GRID2: variants seen among roughly 807,000 people sequenced by gnomAD.
GRID2 encodes glutamate ionotropic receptor delta type subunit 2.
GRID2 carries 33 observed loss-of-function variants against 114.8 expected under a neutral mutation model. That is an observed-to-expected ratio of 0.29 (90% CI 0.22 to 0.38). The LOEUF is 0.38. Among genes scored for constraint, GRID2 ranks in the 10% least tolerant of loss-of-function variants. The pLI is 1.00. For missense variants in GRID2, 1,184 were observed against 1,257.7 expected, an observed-to-expected ratio of 0.94 and a Z score of 0.89; for synonymous variants, 505 against 449.9, an observed-to-expected ratio of 1.12 and a Z score of -1.55.
chr4:93,711,048 A>C (rs1728436060), intron 14 of GRID2, among the ~76,000 whole-genome samples: 1 of 152,046 alleles, frequency 6.6e-6, no homozygotes, highest in Admixed American at 6.6e-5. Flanking sequence ...GGAATCAGGG[A>C]TTTAGTGCTT....
At chr4:92,996,893 G>C (rs1755234340) in intron 2 of GRID2, among the ~76,000 whole-genome samples, 1 of 152,078 alleles carries the variant, frequency 6.6e-6, no homozygotes, top group Non-Finnish European at 1.5e-5. Context: ...ACTCTTACCA[G>C]ATAGACAGTT....
chr4:93,289,194 T>C (rs1753485589), intron 8 of GRID2, among the ~76,000 whole-genome samples: 1 of 152,190 alleles, frequency 6.6e-6, no homozygotes, highest in Non-Finnish European at 1.5e-5. Flanking sequence ...GGTAGGTGAT[T>C]AACTAGTAGT....
intron 2 of GRID2, among the ~76,000 whole-genome samples, chr4:92,897,614 C>G (rs1017364290): frequency 6.6e-6 from 1 of 152,052 alleles, no homozygotes; most frequent in Non-Finnish European, 1.5e-5. Flanking sequence ...TCTTTCACTG[C>G]CAAATTTGAA....
intron 4 of GRID2, among the ~76,000 whole-genome samples, chr4:93,125,358 A>G (rs1160034): frequency 0.46 from 70,042 of 151,694 alleles, 16,867 homozygotes; most frequent in Admixed American, 0.6. Flanking sequence ...GAAAAAGCAA[A>G]TTCATTAACT....
At chr4:92,929,068 C>T (rs1750036570) in intron 2 of GRID2, among the ~76,000 whole-genome samples, 1 of 151,324 alleles carries the variant, frequency 6.6e-6, no homozygotes, top group African/African-American at 2.4e-5. Flanking sequence ...ATCAGTATAT[C>T]TTCTTTTTAT....
Position 92,459,797 on chromosome 4 carries a change from G to A in GRID2, c.89-130334G>A, listed in dbSNP as rs549581938. Among the ~76,000 whole-genome samples the A allele has an allele frequency of 2.6e-5, 4 of 151,714 alleles. No homozygotes were observed. The South Asian group carries it at 6.3e-4, about 24-fold the overall frequency. ...GTATAGATGAGATTAGCATTTATAAGTAGACTTACAGTAAAGCAGATGACC... is the reference window on the plus strand; with the variant it reads ...GTATAGATGAGATTAGCATTTATAAATAGACTTACAGTAAAGCAGATGACC... On this transcript the variant is annotated intron_variant, in intron 1 of 15. Transcript: ENST00000282020.
At chr4:92,397,160 A>G (rs13434680) in intron 1 of GRID2, among the ~76,000 whole-genome samples, 33,561 of 151,950 alleles carry the variant, frequency 0.22, 5,317 homozygotes, top group East Asian at 0.65. Context: ...TCAGAACAAT[A>G]TTACAATTAT....
intron 2 of GRID2, among the ~76,000 whole-genome samples, chr4:93,000,407 T>TGAAGGTTCTGAACA (rs1755469480): frequency 6.6e-6 from 1 of 151,646 alleles, no homozygotes; most frequent in Non-Finnish European, 1.5e-5. Flanking sequence ...GTTTCTGATA[T>TGAAGGTTCTGAACA]ACCTTTTTTG....
chr4:92,785,763 A>G (rs964207667), intron 2 of GRID2, among the ~76,000 whole-genome samples: 8 of 151,984 alleles, frequency 5.3e-5, no homozygotes, highest in Middle Eastern at 6.8e-3. Context: ...ATGCTGTCAA[A>G]CACACAAAGT....
intron 2 of GRID2, among the ~76,000 whole-genome samples, chr4:92,826,493 G>C (rs908537009): frequency 6.6e-6 from 1 of 151,962 alleles, no homozygotes; most frequent in African/African-American, 2.4e-5. Flanking sequence ...TTTGTGGTCT[G>C]TTATTCCCAC....
Position 92,900,845 on chromosome 4 carries a change from A to G in GRID2, c.245-184150A>G, listed in dbSNP as rs1181051301. ...TGAGACTTCGTCTCAAAAAAAAAAAAAAAAAAAAAAAAAGATAATGCCTTA... is the reference window on the plus strand; with the variant it reads ...TGAGACTTCGTCTCAAAAAAAAAAAGAAAAAAAAAAAAAGATAATGCCTTA... On this transcript the variant is annotated intron_variant, in intron 2 of 15. Coordinates refer to ENST00000282020, the MANE Select transcript of GRID2 (RefSeq NM_001510.4). Among the ~76,000 whole-genome samples, 4 of 151,422 alleles carry G rather than the reference A, an allele frequency of 2.6e-5. No homozygotes were observed. In the East Asian group the frequency reaches 7.8e-4, roughly 29 times the overall value.
chr4:92,559,348 T>C (rs1368381712), intron 1 of GRID2, among the ~76,000 whole-genome samples: 2 of 152,188 alleles, frequency 1.3e-5, no homozygotes, highest in South Asian at 2.1e-4. Flanking sequence ...GTATCCCTTC[T>C]CTGAAATGCT....
chr4:93,238,480 G>A lies in GRID2; in HGVS notation c.1235G>A (p.Gly412Asp), dbSNP rs80239802. Residue 412 changes from glycine to aspartate, a missense_variant, in exon 8 of 16, where the codon GGT becomes GAT. Physicochemically the swap from Gly to Asp is moderately conservative, Grantham distance 94. This residue lies in a region of GRID2 where 717 missense variants were observed against 796.9 expected (regional missense o/e 0.90). Transcript: ENST00000282020. Reference sequence around the variant, plus strand: ...AACTATGGAGAAGAGCTTGGCAGAGGTGTTCGAAAAGTAAGACAAGACACA... The same window carrying A: ...AACTATGGAGAAGAGCTTGGCAGAGATGTTCGAAAAGTAAGACAAGACACA... Reference protein sequence around the residue: ...GTNYGEELGRGVRKLGCWNPV... With the variant: ...GTNYGEELGRDVRKLGCWNPV... The A allele has an allele frequency of 6.2e-7, 1 of 1,609,884 alleles. No individual in the cohort carries two copies. The highest frequency in any genetic ancestry group is 1.1e-5 in the South Asian group (1 of 90,960).
chr4:92,735,003 T>A (rs1736522585), intron 2 of GRID2, among the ~76,000 whole-genome samples: 1 of 151,948 alleles, frequency 6.6e-6, no homozygotes, highest in Non-Finnish European at 1.5e-5. Context: ...GGTCTTGGAC[T>A]CTTGGGCTCA....
rs562748540 is a variant in GRID2 at position 93,653,178 on chromosome 4, T to A, written c.2360+26743T>A. Among the ~76,000 whole-genome samples the A allele has an allele frequency of 7.2e-4, 109 of 151,980 alleles. No homozygotes were observed. The Middle Eastern group carries it at 0.02, about 28-fold the overall frequency. On this transcript the variant is annotated intron_variant, in intron 14 of 15. Transcript: ENST00000282020. ...TACAGTGAAAATGGGGGGAAAAAGTTTGGAAACGTAAATTTGAGTTATAAT... is the reference window on the plus strand; with the variant it reads ...TACAGTGAAAATGGGGGGAAAAAGTATGGAAACGTAAATTTGAGTTATAAT...
chr4:93,057,708 T>A (rs537910110), intron 2 of GRID2, among the ~76,000 whole-genome samples: 1 of 151,812 alleles, frequency 6.6e-6, no homozygotes, highest in Middle Eastern at 3.4e-3. Context: ...TATTTTAGCC[T>A]CAGAAGTGGG....
At chr4:92,552,378 C>G (rs935915555) in intron 1 of GRID2, among the ~76,000 whole-genome samples, 1 of 152,046 alleles carries the variant, frequency 6.6e-6, no homozygotes, top group Admixed American at 6.6e-5. Context: ...TAAGCAGATA[C>G]TTTGTGACAT....
chr4:92,442,369 G>C (rs1338533455), intron 1 of GRID2, among the ~76,000 whole-genome samples: 1 of 152,046 alleles, frequency 6.6e-6, no homozygotes, highest in African/African-American at 2.4e-5. Flanking sequence ...CGGCTTAGGA[G>C]GAATTCCGGG....
chr4:93,500,193 A>G (rs1727959670), intron 12 of GRID2, among the ~76,000 whole-genome samples: 1 of 152,036 alleles, frequency 6.6e-6, no homozygotes, highest in South Asian at 2.1e-4. Flanking sequence ...TAATAGCTCA[A>G]TGACCTTGTC....
Sources: allele counts gnomAD v4.1 joint callset (sites outside exome capture counted in the v4.1 genomes callset), GRCh38; gene constraint gnomAD v4.1.1; regional missense constraint gnomAD v4.1.1; transcripts MANE v1.5; gene names NCBI Gene and HGNC (gene_info 2026-07-23, HGNC 2026-07-21).